Variants in UBAC2 observed in about 807,000 individuals in gnomAD.
UBAC2 encodes ubiquitin-associated domain-containing protein 2.
UBAC2 carries 26 observed loss-of-function variants against 44.0 expected under a neutral mutation model. That is an observed-to-expected ratio of 0.59 (90% CI 0.43 to 0.82). The LOEUF is 0.82. Among genes scored for constraint, UBAC2 ranks in the 40% least tolerant of loss-of-function variants. The pLI is 0.00. For synonymous variants in UBAC2, 155 were observed against 154.3 expected (o/e 1.00, Z -0.04); for missense variants, 329 against 419.4 (o/e 0.78, Z 1.88).
intron 1 of UBAC2, among the ~76,000 whole-genome samples, chr13:99,207,778 C>T (rs2042889535): frequency 6.6e-6 from 1 of 152,118 alleles, no homozygotes; most frequent in African/African-American, 2.4e-5. Context: ...CCTGCACTCT[C>T]CACCTTCGTT....
intron 6 of UBAC2, among the ~76,000 whole-genome samples, chr13:99,327,478 C>G (rs2044654846): frequency 6.7e-6 from 1 of 150,270 alleles, no homozygotes; most frequent in Non-Finnish European, 1.5e-5. Flanking sequence ...GTTTTTCTCT[C>G]TCTCTCTGTG....
Position 99,295,936 on chromosome 13 carries a change from T to A in UBAC2, c.390-18161T>A. Reference sequence around the variant, plus strand: ...GTATATCAGAAATCACCAAATTTGTTGAATAGAGGGTGGTAGAGTTGATTT... The same window carrying A: ...GTATATCAGAAATCACCAAATTTGTAGAATAGAGGGTGGTAGAGTTGATTT... On this transcript the variant is annotated intron_variant, in intron 4 of 8. Coordinates refer to ENST00000403766, the MANE Select transcript of UBAC2 (RefSeq NM_001144072.2). This position sits in a 1 kb window ranked among gnomAD's most constrained non-coding sequence, Gnocchi z 4.1. 6.2e-7 allele frequency: 1 copy of A among 1,614,002 alleles called. No individual in the cohort carries two copies. The highest frequency in any genetic ancestry group is 8.5e-7 in the Non-Finnish European group (1 of 1,179,946).
chr13:99,264,160 G>A (rs1858024653), intron 4 of UBAC2, among the ~76,000 whole-genome samples: 1 of 152,184 alleles, frequency 6.6e-6, no homozygotes, highest in South Asian at 2.1e-4. Flanking sequence ...CTGTCTTGGA[G>A]CAGTGCTTTT....
At chr13:99,233,127 T>A (rs894560048) in intron 1 of UBAC2, among the ~76,000 whole-genome samples, 1 of 151,948 alleles carries the variant, frequency 6.6e-6, no homozygotes, top group Non-Finnish European at 1.5e-5. Flanking sequence ...TTTTTTTTTT[T>A]TCTGAGACGA....
At chr13:99,301,542 A>G (rs1202407732) in intron 4 of UBAC2, among the ~76,000 whole-genome samples, 1 of 152,120 alleles carries the variant, frequency 6.6e-6, no homozygotes, top group Non-Finnish European at 1.5e-5. Flanking sequence ...AATGTATTTC[A>G]TTGCTAATAG....
At chr13:99,251,072 A>C (rs2043453057) in intron 4 of UBAC2, among the ~76,000 whole-genome samples, 1 of 151,822 alleles carries the variant, frequency 6.6e-6, no homozygotes, top group African/African-American at 2.4e-5. Context: ...TTTTTTCAGC[A>C]GTGTTTTGTA....
chr13:99,251,808 TCA>T (rs1249150680), intron 4 of UBAC2, among the ~76,000 whole-genome samples: 1 of 152,168 alleles, frequency 6.6e-6, no homozygotes, highest in East Asian at 1.9e-4. Context: ...TTTCCTGAGC[TCA>T]GTTTCTAGAT....
At chr13:99,239,354 GGA>G in intron 2 of UBAC2, among the ~76,000 whole-genome samples, 1 of 152,072 alleles carries the variant, frequency 6.6e-6, no homozygotes, top group Admixed American at 6.6e-5. Context: ...TCTCAACCCC[GGA>G]CACACATTAG....
chr13:99,244,513 A>G lies in UBAC2; in HGVS notation c.280-2A>G, dbSNP rs778197141. 1 of 1,603,748 alleles carries G rather than the reference A, an allele frequency of 6.2e-7. No homozygotes were observed. The highest frequency in any genetic ancestry group is 2.2e-5 in the East Asian group (1 of 44,670). On this transcript the variant is annotated splice_acceptor_variant, in intron 3 of 8. Coordinates refer to ENST00000403766, the MANE Select transcript of UBAC2 (RefSeq NM_001144072.2). LOFTEE classifies it high-confidence loss of function. The stretch of plus-strand genomic sequence containing the variant: ...TCATTTTTCTGCTGTTTTATTTTGT[A>G]GTCCTTTTTGCTGGGTTCCTGGGTT...
intron 7 of UBAC2, among the ~76,000 whole-genome samples, chr13:99,348,727 T>C (rs1228161433): frequency 6.6e-6 from 1 of 152,226 alleles, no homozygotes; most frequent in Non-Finnish European, 1.5e-5. Context: ...GGGATGACGG[T>C]AGGCTGGCCA....
intron 4 of UBAC2, among the ~76,000 whole-genome samples, chr13:99,253,041 T>C (rs1229890735): frequency 1.3e-5 from 2 of 151,210 alleles, no homozygotes; most frequent in Non-Finnish European, 3.0e-5. Flanking sequence ...GAGTTGTTTT[T>C]CTTGTTTTAG....
In UBAC2 at chr13:99,300,250, G is replaced by A. The variant is rs142379045; in HGVS notation, c.390-13847G>A. Among the ~76,000 whole-genome samples, 3 of 152,310 alleles carry A rather than the reference G, an allele frequency of 2.0e-5. No homozygotes were observed. The East Asian group carries it at 5.8e-4, about 29-fold the overall frequency. ...CTGACGACCGTTGTGCACTGGAGGTGGCCAAAGAAAGGCATTTGCAGAATG... is the reference window on the plus strand; with the variant it reads ...CTGACGACCGTTGTGCACTGGAGGTAGCCAAAGAAAGGCATTTGCAGAATG... On this transcript the variant is annotated intron_variant, in intron 4 of 8. Transcript: ENST00000403766.
At chr13:99,297,968 A>G (rs2044201309) in intron 4 of UBAC2, among the ~76,000 whole-genome samples, 2 of 152,160 alleles carry the variant, frequency 1.3e-5, no homozygotes, top group African/African-American at 4.8e-5. Flanking sequence ...ATAGAATTCA[A>G]GGCAAATTCA....
intron 1 of UBAC2, among the ~76,000 whole-genome samples, chr13:99,216,998 T>G (rs2043003718): frequency 6.6e-6 from 1 of 151,908 alleles, no homozygotes; most frequent in Non-Finnish European, 1.5e-5. Context: ...GACCGGCTAA[T>G]TTTTGTATTT....
intron 4 of UBAC2, among the ~76,000 whole-genome samples, chr13:99,259,578 A>G (rs2043626711): frequency 6.6e-6 from 1 of 152,196 alleles, no homozygotes; most frequent in Non-Finnish European, 1.5e-5. Context: ...CTCCCGCTGT[A>G]ATAACTTCTT....
chr13:99,256,812 A>T (rs1161374654), intron 4 of UBAC2, among the ~76,000 whole-genome samples: 1 of 152,104 alleles, frequency 6.6e-6, no homozygotes, highest in East Asian at 1.9e-4. Context: ...ATGATGCAAC[A>T]CCAACAACAG....
intron 7 of UBAC2, among the ~76,000 whole-genome samples, chr13:99,350,048 A>G (rs1193502769): frequency 6.6e-6 from 1 of 152,116 alleles, no homozygotes; most frequent in Admixed American, 6.5e-5. Context: ...CACTTCTCAC[A>G]ATGTCCCTTC....
chr13:99,337,600 A>G (rs1465905388), intron 6 of UBAC2, among the ~76,000 whole-genome samples: 3 of 152,090 alleles, frequency 2.0e-5, no homozygotes, highest in Non-Finnish European at 4.4e-5. Context: ...TATTCTAGAA[A>G]ACTCTCAGCT....
chr13:99,246,970 G>A (rs1207472720), intron 4 of UBAC2, among the ~76,000 whole-genome samples: 1 of 152,098 alleles, frequency 6.6e-6, no homozygotes, highest in African/African-American at 2.4e-5. Flanking sequence ...AGTAAACTTT[G>A]TGTAATGTAA....
Sources: gnomAD v4.1 joint callset for allele counts (sites outside exome capture counted in the v4.1 genomes callset) on GRCh38, gnomAD v4.1.1 for gene constraint, Gnocchi (gnomAD v3.1) non-coding constraint, MANE v1.5 for transcripts, NCBI Gene and HGNC (gene_info 2026-07-23, HGNC 2026-07-21) for gene names.